CTIF: variants seen among roughly 807,000 people sequenced by gnomAD.
CTIF encodes the protein CBP80/20-dependent translation initiation factor.
CTIF carries 21 observed loss-of-function variants against 66.0 expected under a neutral mutation model. The observed-to-expected ratio is 0.32, with a 90% CI of 0.23 to 0.46. CTIF has a LOEUF of 0.46. CTIF is among the 20% of genes least tolerant of loss of function. The pLI, the probability that CTIF is intolerant of heterozygous loss-of-function variation, is 1.00. For missense variants in CTIF, 739 were observed against 812.7 expected, an observed-to-expected ratio of 0.91 and a Z score of 1.10; for synonymous variants, 345 against 326.4, an observed-to-expected ratio of 1.06 and a Z score of -0.62.
rs146827809 is a variant in CTIF at position 48,619,064 on chromosome 18, G to C, written c.-28-474G>C. Among the ~76,000 whole-genome samples, 63 of 152,310 alleles carry C rather than the reference G, an allele frequency of 4.1e-4. 1 individual carries two copies. In the East Asian group the frequency reaches 9.8e-3, roughly 24 times the overall value. ...CTGAAAAGAAAAAGTCTCCTCTTAA[G>C]TAGTCATTTTCTTGGAGGACCTGAG... On this transcript the variant is annotated intron_variant, in intron 1 of 11. Coordinates refer to ENST00000256413, the MANE Select transcript of CTIF (RefSeq NM_014772.3).
At chr18:48,674,553 C>T (rs1328580008) in intron 6 of CTIF, among the ~76,000 whole-genome samples, 1 of 152,232 alleles carries the variant, frequency 6.6e-6, no homozygotes, top group East Asian at 1.9e-4. Flanking sequence ...GGCGTCTGGC[C>T]AAGCTCCTCT....
intron 3 of CTIF, among the ~76,000 whole-genome samples, chr18:48,647,051 A>AAGC (rs2091052409): frequency 6.6e-6 from 1 of 152,250 alleles, no homozygotes; most frequent in Non-Finnish European, 1.5e-5. Context: ...TTTGTTCACA[A>AAGC]TACACAGAAA....
intron 3 of CTIF, among the ~76,000 whole-genome samples, chr18:48,640,014 C>T (rs1568095987): frequency 6.6e-6 from 1 of 152,216 alleles, no homozygotes; most frequent in Non-Finnish European, 1.5e-5. Context: ...TGGCAGTGTC[C>T]TTGTCACCCC....
intron 11 of CTIF, among the ~76,000 whole-genome samples, chr18:48,857,991 C>A (rs1169781952): frequency 6.6e-6 from 1 of 152,274 alleles, no homozygotes; most frequent in Non-Finnish European, 1.5e-5. Context: ...TTTCCCTTTG[C>A]TTTGCTAATG....
chr18:48,842,378 A>G (rs2068965316), intron 10 of CTIF, among the ~76,000 whole-genome samples: 1 of 152,122 alleles, frequency 6.6e-6, no homozygotes, highest in Non-Finnish European at 1.5e-5. Context: ...TTCCCGTTTC[A>G]TAGAACGCAG....
intron 7 of CTIF, among the ~76,000 whole-genome samples, chr18:48,745,017 T>G (rs551134354): frequency 6.6e-6 from 1 of 152,158 alleles, no homozygotes; most frequent in African/African-American, 2.4e-5. Flanking sequence ...AGAGACAGGG[T>G]TTCACCGTGT....
rs1404542730 is a variant in CTIF at position 48,539,257 on chromosome 18, G to C, written c.-84G>C. 3 of 148,322 alleles carry C rather than the reference G, an allele frequency of 2.0e-5. No individual in the cohort carries two copies. Among genetic ancestry groups the C allele is most frequent in the Non-Finnish European group, 4.5e-5 (3 of 67,080 alleles). The allele number at this position is 148,322 out of a possible 1,614,324, so 9.2% of individuals were successfully genotyped here. A position where few individuals can be genotyped will look rare whatever the true frequency, so the allele number is the denominator to read the frequency against. On this transcript the variant is annotated 5_prime_UTR_variant, in exon 1 of 12. Coordinates refer to ENST00000256413, the MANE Select transcript of CTIF (RefSeq NM_014772.3). Reference sequence around the variant, plus strand: ...CCTCGTCCCTCCCTTCCCCTTCCCTGCCCCCTTCCCCCACCCCCGACTCGG... The same window carrying C: ...CCTCGTCCCTCCCTTCCCCTTCCCTCCCCCCTTCCCCCACCCCCGACTCGG...
chr18:48,556,255 A>C (rs1450580596), intron 1 of CTIF, among the ~76,000 whole-genome samples: 1 of 152,152 alleles, frequency 6.6e-6, no homozygotes, highest in Admixed American at 6.5e-5. Context: ...TGGGGGCATC[A>C]CTGTGGAGTG....
intron 9 of CTIF, among the ~76,000 whole-genome samples, chr18:48,794,943 A>C (rs554973987): frequency 6.6e-6 from 1 of 152,116 alleles, no homozygotes; most frequent in African/African-American, 2.4e-5. Flanking sequence ...TAGATGGGTC[A>C]GGGTGGGTGA....
intron 1 of CTIF, among the ~76,000 whole-genome samples, chr18:48,613,527 G>T (rs1211679723): frequency 6.6e-6 from 1 of 152,170 alleles, no homozygotes; most frequent in Non-Finnish European, 1.5e-5. Flanking sequence ...TGTGGAGAGA[G>T]GCACCTTTTT....
At chr18:48,570,077 A>G (rs2089377128) in intron 1 of CTIF, among the ~76,000 whole-genome samples, 1 of 152,134 alleles carries the variant, frequency 6.6e-6, no homozygotes, top group Non-Finnish European at 1.5e-5. Flanking sequence ...GGCCACGTTG[A>G]TTGGTTTACT....
At chr18:48,633,034 T>A (rs2090748968) in intron 2 of CTIF, among the ~76,000 whole-genome samples, 1 of 32,538 alleles carries the variant, frequency 3.1e-5, no homozygotes. Context: ...TGCGTGCCCA[T>A]CAGGAGGCCC....
intron 9 of CTIF, among the ~76,000 whole-genome samples, chr18:48,806,273 G>T (rs142851075): frequency 1.3e-5 from 2 of 152,144 alleles, no homozygotes; most frequent in Admixed American, 6.5e-5. Context: ...CCAATTGCCC[G>T]GGAGAAGAAT....
At chr18:48,569,210 G>A (rs895534940) in intron 1 of CTIF, among the ~76,000 whole-genome samples, 3 of 152,130 alleles carry the variant, frequency 2.0e-5, no homozygotes, top group Admixed American at 6.5e-5. Context: ...TTCAACTTAC[G>A]AATTTGGTGA....
intron 9 of CTIF, among the ~76,000 whole-genome samples, chr18:48,787,183 C>T (rs1317414221): frequency 1.3e-5 from 2 of 152,024 alleles, no homozygotes; most frequent in Non-Finnish European, 2.9e-5. Context: ...CCGACATCCA[C>T]CCGCAGTCCT....
At chr18:48,613,722 T>G (rs1380860735) in intron 1 of CTIF, among the ~76,000 whole-genome samples, 1 of 152,180 alleles carries the variant, frequency 6.6e-6, no homozygotes, top group Admixed American at 6.5e-5. Flanking sequence ...CATGCATCCC[T>G]TTCCCCAGAC....
chr18:48,618,817 G>A (rs1327209530), intron 1 of CTIF, among the ~76,000 whole-genome samples: 2 of 152,226 alleles, frequency 1.3e-5, no homozygotes, highest in Admixed American at 6.5e-5. Context: ...GGGCTAATGG[G>A]TTAGTCATGC....
chr18:48,663,709 G>A (rs764183797), intron 3 of CTIF, 43 bp from the exon 4 acceptor site: 1 of 1,585,252 alleles, frequency 6.3e-7, no homozygotes, highest in Admixed American at 1.7e-5. Flanking sequence ...CAGCATCCTG[G>A]CCGAGCAATT....
chr18:48,540,930 G>C (rs749949334), intron 1 of CTIF, among the ~76,000 whole-genome samples: 1 of 152,158 alleles, frequency 6.6e-6, no homozygotes, highest in African/African-American at 2.4e-5. Context: ...GCTGGTCTTC[G>C]GTGCAGGAGT....
Sources: gnomAD v4.1 joint callset for allele counts (sites outside exome capture counted in the v4.1 genomes callset) on GRCh38, gnomAD v4.1.1 for gene constraint, MANE v1.5 for transcripts, NCBI Gene and HGNC (gene_info 2026-07-23, HGNC 2026-07-21) for gene names.